The following PLPPR1 variants were observed in gnomAD, a reference collection of about 807,000 sequenced individuals.
PLPPR1 encodes the protein phospholipid phosphatase related 1, also known as phospholipid phosphatase-related protein type 1.
Under a neutral mutation model 33.1 loss-of-function variants are expected in PLPPR1, and 10 were observed. The ratio of observed to expected loss-of-function variants is 0.30; its 90% confidence interval spans 0.19 to 0.51. The LOEUF is 0.51. Among genes scored for constraint, PLPPR1 ranks in the 20% least tolerant of loss-of-function variants. The probability of loss-of-function intolerance (pLI) is 0.97; values close to 1 mark genes in which losing one functional copy is unlikely to be tolerated. For missense variants in PLPPR1, 304 were observed against 408.1 expected, an observed-to-expected ratio of 0.74 and a Z score of 2.20; for synonymous variants, 151 against 151.0, an observed-to-expected ratio of 1.00 and a Z score of 0.00.
At chr9:101,103,178 T>C (rs904986080) in intron 1 of PLPPR1, among the ~76,000 whole-genome samples, 49 of 132,212 alleles carry the variant, frequency 3.7e-4, no homozygotes, top group Non-Finnish European at 6.9e-4. Context: ...ATTTTGGCTT[T>C]TGTTACCATT....
intron 4 of PLPPR1, among the ~76,000 whole-genome samples, chr9:101,295,167 A>G (rs975967588): frequency 1.3e-5 from 2 of 151,886 alleles, no homozygotes; most frequent in African/African-American, 4.8e-5. Flanking sequence ...ACAGACAAAC[A>G]GAGAGCCAAA....
intron 1 of PLPPR1, among the ~76,000 whole-genome samples, chr9:101,064,452 C>A (rs1055947899): frequency 3.9e-5 from 6 of 152,136 alleles, no homozygotes; most frequent in Non-Finnish European, 8.8e-5. Context: ...TGGAGCTAGA[C>A]CAACAGTGGT....
chr9:101,238,517 T>C (rs1483232541), intron 2 of PLPPR1, among the ~76,000 whole-genome samples: 1 of 151,152 alleles, frequency 6.6e-6, no homozygotes, highest in African/African-American at 2.4e-5. Flanking sequence ...TTATCCTAAG[T>C]GAAATAACTC....
At chr9:101,237,621 C>T (rs1827330047) in intron 2 of PLPPR1, among the ~76,000 whole-genome samples, 1 of 137,476 alleles carries the variant, frequency 7.3e-6, no homozygotes, top group Non-Finnish European at 1.6e-5. Flanking sequence ...AGTAGTATTC[C>T]ATTGTGTGCA....
At chr9:101,044,370 A>T (rs570982440) in intron 1 of PLPPR1, among the ~76,000 whole-genome samples, 1 of 152,146 alleles carries the variant, frequency 6.6e-6, no homozygotes, top group African/African-American at 2.4e-5. Context: ...AACACAGAAA[A>T]CATTTGGAAG....
chr9:101,206,136 G>T (rs1015235973), intron 2 of PLPPR1, among the ~76,000 whole-genome samples: 4 of 152,210 alleles, frequency 2.6e-5, no homozygotes, highest in African/African-American at 9.6e-5. Context: ...TCTCAAAAAT[G>T]ATGGGATTGA....
At chr9:101,079,868 C>T (rs555699681) in intron 1 of PLPPR1, among the ~76,000 whole-genome samples, 2 of 152,284 alleles carry the variant, frequency 1.3e-5, no homozygotes, top group South Asian at 2.1e-4. Context: ...TGAGCCACCA[C>T]GCCCAGCCTA....
chr9:101,124,112 A>T (rs1257292311), intron 1 of PLPPR1, among the ~76,000 whole-genome samples: 1 of 152,204 alleles, frequency 6.6e-6, no homozygotes, highest in Non-Finnish European at 1.5e-5. Context: ...CTTTTAATTG[A>T]GCAAGGCACT....
chr9:101,138,895 A>G (rs569248318), intron 1 of PLPPR1, among the ~76,000 whole-genome samples: 1 of 152,304 alleles, frequency 6.6e-6, no homozygotes, highest in South Asian at 2.1e-4. Context: ...TGGTAGGATT[A>G]AAGTTGACTC....
intron 1 of PLPPR1, among the ~76,000 whole-genome samples, chr9:101,113,342 A>G (rs1831080374): frequency 6.6e-6 from 1 of 152,100 alleles, no homozygotes; most frequent in African/African-American, 2.4e-5. Flanking sequence ...TTGTACATTT[A>G]TGCCTTTATA....
intron 1 of PLPPR1, among the ~76,000 whole-genome samples, chr9:101,158,375 T>C (rs769790800): frequency 6.6e-6 from 1 of 151,988 alleles, no homozygotes; most frequent in Non-Finnish European, 1.5e-5. Context: ...GAGAGTGAGA[T>C]GGAAGGTGAT....
intron 2 of PLPPR1, among the ~76,000 whole-genome samples, chr9:101,214,313 G>A (rs1456241499): frequency 1.3e-5 from 2 of 152,124 alleles, no homozygotes; most frequent in Admixed American, 1.3e-4. Context: ...GTACATCATG[G>A]CACTGCCAAC....
chr9:101,110,490 A>G (rs2118573867), intron 1 of PLPPR1, among the ~76,000 whole-genome samples: 1 of 152,296 alleles, frequency 6.6e-6, no homozygotes, highest in Non-Finnish European at 1.5e-5. Flanking sequence ...AAATACACGT[A>G]GAAGAATGTT....
chr9:101,225,968 C>A (rs1353273024), intron 2 of PLPPR1, among the ~76,000 whole-genome samples: 4 of 151,902 alleles, frequency 2.6e-5, no homozygotes, highest in Non-Finnish European at 4.4e-5. Context: ...AGTCATTTTT[C>A]GTAGATCGTA....
At chr9:101,267,193 T>G (rs77121679) in intron 2 of PLPPR1, among the ~76,000 whole-genome samples, 4,394 of 152,314 alleles carry the variant, frequency 0.029, 72 homozygotes, top group Middle Eastern at 0.095. Flanking sequence ...CAACTGGCTA[T>G]GTTCCTTGCC....
intron 2 of PLPPR1, among the ~76,000 whole-genome samples, chr9:101,243,802 A>G (rs986118433): frequency 3.9e-5 from 6 of 151,986 alleles, no homozygotes; most frequent in African/African-American, 1.4e-4. Context: ...AAAGCTTAGT[A>G]GAAAGTAAGG....
chr9:101,301,422 GT>G (rs970685502), intron 4 of PLPPR1, among the ~76,000 whole-genome samples: 1 of 152,124 alleles, frequency 6.6e-6, no homozygotes, highest in Non-Finnish European at 1.5e-5. Flanking sequence ...TTTTACAACT[GT>G]TTTTTATGAT....
At chr9:101,314,584 G>A (rs913594936) in intron 6 of PLPPR1, among the ~76,000 whole-genome samples, 7 of 151,286 alleles carry the variant, frequency 4.6e-5, no homozygotes, top group African/African-American at 1.7e-4. Flanking sequence ...TCTATTAAGT[G>A]TGCAATAGCA....
intron 1 of PLPPR1, among the ~76,000 whole-genome samples, chr9:101,091,252 C>T (rs530416296): frequency 1.3e-5 from 2 of 152,074 alleles, no homozygotes; most frequent in African/African-American, 2.4e-5. Context: ...TCCTCAATCC[C>T]TCCTCTCTCT....
Sources: allele counts gnomAD v4.1 joint callset (sites outside exome capture counted in the v4.1 genomes callset), GRCh38; gene constraint gnomAD v4.1.1; transcripts MANE v1.5; gene names NCBI Gene and HGNC (gene_info 2026-07-23, HGNC 2026-07-21).